Variants in GALNT3 observed in about 807,000 individuals in gnomAD.
GALNT3 encodes the protein polypeptide N-acetylgalactosaminyltransferase 3.
GALNT3 carries 51 observed loss-of-function variants against 69.8 expected under a neutral mutation model. The observed-to-expected ratio is 0.73, with a 90% CI of 0.58 to 0.92. GALNT3 has a LOEUF of 0.92. Among genes scored for constraint, GALNT3 ranks in the 40% least tolerant of loss-of-function variants. GALNT3 has a pLI of 0.00. For synonymous variants in GALNT3, 265 were observed against 248.5 expected (o/e 1.07, Z -0.63); for missense variants, 711 against 760.0 (o/e 0.94, Z 0.76).
At chr2:165,761,725 A>C in intron 4 of GALNT3, 180 bp downstream of exon 4, 1 of 740,046 alleles carries the variant, frequency 1.4e-6, no homozygotes. Context: ...TGCATAAGTG[A>C]AAGGAATTTT....
In GALNT3 at chr2:165,757,077, T is replaced by C; in HGVS notation, c.1362A>G (p.Arg454=). 5 of 1,613,940 alleles carry C rather than the reference T, an allele frequency of 3.1e-6. No homozygotes were observed. The highest frequency in any genetic ancestry group is 3.4e-6 in the Non-Finnish European group (4 of 1,179,878). Residue 454 remains arginine, a synonymous_variant, in exon 7 of 11, where the codon AGA becomes AGG. Coordinates refer to ENST00000392701, the MANE Select transcript of GALNT3 (RefSeq NM_004482.4). ...MDEYKEIFYR[R]NTDAAKIVKQ... The stretch of plus-strand genomic sequence containing the variant: ...TAACAATTTTTGCTGCATCTGTATT[T>C]CTCCTATAAAATATTTCCTTGTATT...
chr2:165,793,350 G>C (rs1022884297), intron 1 of GALNT3, among the ~76,000 whole-genome samples: 1 of 152,202 alleles, frequency 6.6e-6, no homozygotes, highest in Non-Finnish European at 1.5e-5. Flanking sequence ...CGGAAGAAAA[G>C]AACTCTTCTC....
chr2:165,789,062 T>C (rs939955846), intron 1 of GALNT3, among the ~76,000 whole-genome samples: 5 of 152,218 alleles, frequency 3.3e-5, no homozygotes, highest in Admixed American at 6.5e-5. Flanking sequence ...TGAAAGAATT[T>C]ATGGCTGGGA....
intron 10 of GALNT3, among the ~76,000 whole-genome samples, chr2:165,749,364 GA>G (rs541152441): frequency 2.8e-3 from 427 of 151,914 alleles, no homozygotes; most frequent in African/African-American, 1.0e-2. Context: ...AAACAGGGTA[GA>G]AAAAAATTAA....
At chr2:165,787,544 G>A (rs1057452226) in intron 1 of GALNT3, among the ~76,000 whole-genome samples, 3 of 152,170 alleles carry the variant, frequency 2.0e-5, no homozygotes, top group Non-Finnish European at 4.4e-5. Flanking sequence ...GACAAACAGC[G>A]AGGCCATGGC....
chr2:165,754,907 A>C, intron 8 of GALNT3, 25 bp downstream of exon 8: 2 of 1,609,902 alleles, frequency 1.2e-6, no homozygotes, highest in Non-Finnish European at 1.7e-6. Flanking sequence ...TATATTAATT[A>C]AAAAAGGAAC....
chr2:165,783,181 G>C (rs1683149028), intron 1 of GALNT3, among the ~76,000 whole-genome samples: 1 of 152,134 alleles, frequency 6.6e-6, no homozygotes. Context: ...AAGGAGAGCA[G>C]GCACAGATTT....
chr2:165,759,450 G>C lies in GALNT3; in HGVS notation c.959C>G (p.Ser320Cys). 1 of 1,614,006 alleles carries C rather than the reference G, an allele frequency of 6.2e-7. No homozygotes were observed. Among genetic ancestry groups the C allele is most frequent in the Non-Finnish European group, 8.5e-7 (1 of 1,179,956 alleles). The change falls in exon 5 of 11, where the codon TCT becomes TGT. Residue 320 changes from serine (S) to cysteine (C), a missense_variant. By Grantham distance (112) the Ser-to-Cys change is moderately radical. Coordinates refer to ENST00000392701, the MANE Select transcript of GALNT3 (RefSeq NM_004482.4). ...ACGGTTATGGTTACTTCCATAAGGAGAAGGTTTGTTGAATTCAAACGTGTT... is the reference window on the plus strand; with the variant it reads ...ACGGTTATGGTTACTTCCATAAGGACAAGGTTTGTTGAATTCAAACGTGTT... The part of the protein sequence containing the change: ...DLNTFEFNKP[S>C]PYGSNHNRGN...
In GALNT3 at chr2:165,748,294, A is replaced by G. The variant is rs1417992726; in HGVS notation, c.*487T>C. The G allele has an allele frequency of 4.7e-6, 1 of 213,256 alleles. No homozygotes were observed. Among genetic ancestry groups the G allele is most frequent in the Non-Finnish European group, 9.5e-6 (1 of 105,498 alleles). The allele number at this position is 213,256 out of a possible 1,614,324, so 13.2% of individuals were successfully genotyped here. On this transcript the variant is annotated 3_prime_UTR_variant, in exon 11 of 11. Coordinates refer to ENST00000392701, the MANE Select transcript of GALNT3 (RefSeq NM_004482.4). ...AAAAAAAAGTTCACCTGCATTTTAA[A>G]CTAATAAATTCTGGATCTGTAAAAG...
intron 1 of GALNT3, among the ~76,000 whole-genome samples, chr2:165,779,108 C>A (rs1305758254): frequency 6.6e-6 from 1 of 152,162 alleles, no homozygotes; most frequent in East Asian, 1.9e-4. Context: ...CTGCAGATAC[C>A]TAGTACTGGA....
intron 4 of GALNT3, 114 bp downstream of exon 4, chr2:165,761,791 C>T (rs138707955): frequency 1.9e-5 from 22 of 1,159,496 alleles, no homozygotes; most frequent in Non-Finnish European, 2.7e-5. Flanking sequence ...CAGTTGAAAA[C>T]GCTGTTAAAG....
At chr2:165,760,444 T>C (rs1688525114) in intron 4 of GALNT3, among the ~76,000 whole-genome samples, 3 of 152,184 alleles carry the variant, frequency 2.0e-5, no homozygotes, top group Non-Finnish European at 4.4e-5. Flanking sequence ...GCTGTCCTAT[T>C]CTGGGCTCCC....
chr2:165,770,547 T>C lies in GALNT3; in HGVS notation c.154A>G (p.Met52Val), dbSNP rs768407065. Residue 52 changes from methionine to valine, a missense_variant, in exon 2 of 11, where the codon ATG becomes GTG. Coordinates refer to ENST00000392701, the MANE Select transcript of GALNT3 (RefSeq NM_004482.4). The stretch of plus-strand genomic sequence containing the variant: ...TTTTTGTTTTTCATGTTCCTTTCCA[T>C]CCTTGATTCCTCTTTGGAATATTGA... ...SVQYSKEESR[M>V]ERNMKNKNKM... 1.9e-6 allele frequency: 3 copies of C among 1,613,900 alleles called. No homozygotes were observed. In the African/African-American group the frequency reaches 4.0e-5, roughly 22 times the overall value.
chr2:165,768,142 G>A (rs1428710343), intron 2 of GALNT3, among the ~76,000 whole-genome samples: 1 of 152,114 alleles, frequency 6.6e-6, no homozygotes, highest in Non-Finnish European at 1.5e-5. Context: ...AAGGCGGGCA[G>A]ATCACGAAGT....
Position 165,757,259 on chromosome 2 carries a change from T to C in GALNT3, c.1192-12A>G. The C allele has an allele frequency of 6.2e-7, 1 of 1,610,326 alleles. No individual in the cohort carries two copies. Among genetic ancestry groups the C allele is most frequent in the Non-Finnish European group, 8.5e-7 (1 of 1,176,632 alleles). On this transcript the variant is annotated splice_polypyrimidine_tract_variant and intron_variant, in intron 6 of 10. Transcript: ENST00000392701. ...CCACATTGCCATACCTGATAATTAATGATATTTGTTTAAATTTACAGTATT... is the reference window on the plus strand; with the variant it reads ...CCACATTGCCATACCTGATAATTAACGATATTTGTTTAAATTTACAGTATT...
chr2:165,781,796 G>T (rs899615721), intron 1 of GALNT3, among the ~76,000 whole-genome samples: 2 of 152,080 alleles, frequency 1.3e-5, no homozygotes, highest in African/African-American at 4.8e-5. Context: ...GTGATGACTT[G>T]TGAAATGTTA....
At chr2:165,757,353 G>T (rs1688464455) in intron 6 of GALNT3, 106 bp from the exon 7 acceptor site, 2 of 1,035,150 alleles carry the variant, frequency 1.9e-6, no homozygotes, top group African/African-American at 1.6e-5. Context: ...TTAGAGAAGA[G>T]ATTACAATAT....
intron 1 of GALNT3, among the ~76,000 whole-genome samples, chr2:165,771,053 T>A (rs1688744473): frequency 6.6e-6 from 1 of 152,158 alleles, no homozygotes; most frequent in Non-Finnish European, 1.5e-5. Context: ...ACATTCTTTT[T>A]AAACTCTAAT....
chr2:165,776,850 C>T (rs1682964997), intron 1 of GALNT3, among the ~76,000 whole-genome samples: 1 of 152,132 alleles, frequency 6.6e-6, no homozygotes, highest in African/African-American at 2.4e-5. Context: ...GTGGTAGCTT[C>T]CAGTTATCTA....
Sources: gnomAD v4.1 joint callset for allele counts (sites outside exome capture counted in the v4.1 genomes callset) on GRCh38, gnomAD v4.1.1 for gene constraint, MANE v1.5 for transcripts, NCBI Gene and HGNC (gene_info 2026-07-23, HGNC 2026-07-21) for gene names.